MTMR4: variants seen among roughly 807,000 people sequenced by gnomAD.
MTMR4 encodes the protein phosphatidylinositol-3,5-bisphosphate 3-phosphatase MTMR4.
Under a neutral mutation model 125.5 loss-of-function variants are expected in MTMR4, and 30 were observed. The ratio of observed to expected loss-of-function variants is 0.24; its 90% CI spans 0.18 to 0.32. The LOEUF (loss-of-function observed/expected upper bound fraction) is 0.32. Ranked by LOEUF, MTMR4 falls within the 10% of genes least tolerant of loss-of-function variation. The pLI is 1.00. For missense variants in MTMR4, 1,039 were observed against 1,511.5 expected, an observed-to-expected ratio of 0.69 and a Z score of 5.18; for synonymous variants, 498 against 564.5, an observed-to-expected ratio of 0.88 and a Z score of 1.67.
chr17:58,492,932 A>G lies in MTMR4; in HGVS notation c.3273T>C (p.Asp1091=). The G allele has an allele frequency of 6.2e-7, 1 of 1,614,232 alleles. No homozygotes were observed. Among genetic ancestry groups the G allele is most frequent in the Non-Finnish European group, 8.5e-7 (1 of 1,180,028 alleles). Residue 1091 remains aspartate, a synonymous_variant, in exon 16 of 18, where the codon GAT becomes GAC. Coordinates refer to ENST00000682306, the MANE Select transcript of MTMR4 (RefSeq NM_001378067.1). ...EDDFTCLKES[D]GSDTEDFGSD... is the part of the protein sequence containing the mutation. ...AGCCAAAATCCTCAGTATCACTGCC[A>G]TCTGACTCCTTCAAACATGTCTGAT...
intron 1 of MTMR4, among the ~76,000 whole-genome samples, chr17:58,513,397 G>C (rs1309763664): frequency 6.6e-6 from 1 of 152,262 alleles, no homozygotes; most frequent in East Asian, 1.9e-4. Context: ...CTTCAATCTG[G>C]TGGGTGAAGG....
At chr17:58,510,604 C>G (rs1975900797) in intron 4 of MTMR4, 1 of 152,182 alleles carries the variant, frequency 6.6e-6, no homozygotes, top group African/African-American at 2.4e-5. Context: ...TCTTGAGTAG[C>G]TGGGACTACA....
intron 4 of MTMR4, 95 bp downstream of exon 4, chr17:58,511,334 G>A: frequency 8.9e-7 from 1 of 1,118,576 alleles, no homozygotes; most frequent in Non-Finnish European, 1.3e-6. Context: ...AAGTGAGGCA[G>A]GATCTTTCCT....
intron 14 of MTMR4, among the ~76,000 whole-genome samples, chr17:58,498,788 A>G (rs942392114): frequency 3.3e-5 from 5 of 152,140 alleles, no homozygotes; most frequent in African/African-American, 9.7e-5. Context: ...TTTCTCCCCA[A>G]ACTGGCTGGT....
rs957902017 is a variant in MTMR4 at position 58,491,941 on chromosome 17, C to G, written c.3453-101G>C. On this transcript the variant is annotated intron_variant, in intron 17 of 17. Transcript: ENST00000682306. ...ATCCCTGCACTTTGGTAGGCTGAGG[C>G]AGTAGAATCGCTTGAGGCCAGGAGT... is the stretch of plus-strand genomic sequence containing the variant. 1.3e-5 allele frequency: 15 copies of G among 1,114,158 alleles called. No homozygotes were observed. The African/African-American group carries it at 2.0e-4, about 15-fold the overall frequency. 69.0% of individuals were successfully genotyped at this position (1,114,158 alleles called of 1,614,324 possible).
chr17:58,500,157 C>T (rs991644683), intron 14 of MTMR4, among the ~76,000 whole-genome samples: 19 of 152,176 alleles, frequency 1.2e-4, no homozygotes, highest in Admixed American at 1.0e-3. Context: ...GACAAGGTCT[C>T]GCTGTGTCAC....
At chr17:58,516,645 G>A (rs1395178376), upstream of MTMR4, 4 of 1,601,668 alleles carry the variant, frequency 2.5e-6, no homozygotes, top group South Asian at 4.4e-5. Flanking sequence ...GAACATAAAA[G>A]TAAAGGACCC....
intron 3 of MTMR4, among the ~76,000 whole-genome samples, chr17:58,511,996 T>A (rs570844677): frequency 1.4e-4 from 21 of 152,066 alleles, no homozygotes; most frequent in African/African-American, 4.1e-4. Context: ...TTTTTTTTTT[T>A]ATTTTTTTGA....
At chr17:58,502,157 ATTTT>A (rs10706856) in intron 14 of MTMR4, among the ~76,000 whole-genome samples, 3 of 118,744 alleles carry the variant, frequency 2.5e-5, no homozygotes, top group Admixed American at 8.5e-5. Context: ...GTATTTTACA[ATTTT>A]TTTTTTTTTT....
rs965491392 is a variant in MTMR4, at chr17:58,495,633, G to T, written c.2551C>A (p.Pro851Thr). 6.8e-6 allele frequency: 11 copies of T among 1,614,060 alleles called. No individual in the cohort carries two copies. Among genetic ancestry groups the T allele is most frequent in the Non-Finnish European group, 9.3e-6 (11 of 1,180,042 alleles). ...GAGATACTTGCCACAGACCCTGAGG[G>T]ATCTTGGTTGAGGAAGTCAGTGCTT... ...DPSTDFLNQDPSGSVASISHQ... is the reference protein window; with the variant it reads ...DPSTDFLNQDTSGSVASISHQ... The change falls in exon 15 of 18, where the codon CCC becomes ACC. Residue 851 changes from proline to threonine, a missense_variant. Around this residue, in one of 6 missense-constraint regions of MTMR4, gnomAD observed 619 missense variants for 714.5 expected, o/e 0.87. Transcript: ENST00000682306.
In MTMR4 at chr17:58,508,020, T is replaced by G; in HGVS notation, c.707+141A>C. 8.2e-6 allele frequency: 5 copies of G among 608,210 alleles called. No individual in the cohort carries two copies. The highest frequency in any genetic ancestry group is 2.9e-5 in the East Asian group (1 of 34,626). The allele number at this position is 608,210 out of a possible 1,614,324, so 37.7% of individuals were successfully genotyped here. A position where few individuals can be genotyped will look rare whatever the true frequency, so the allele number is the denominator to read the frequency against. ...TTATTCTTAGGAGAAAAAACTAAGATAGTTTTTGTTTTAAAGTTATTTCAT... is the reference window on the plus strand; with the variant it reads ...TTATTCTTAGGAGAAAAAACTAAGAGAGTTTTTGTTTTAAAGTTATTTCAT... On this transcript the variant is annotated intron_variant, in intron 7 of 17. Coordinates refer to ENST00000682306, the MANE Select transcript of MTMR4 (RefSeq NM_001378067.1). The surrounding 1 kb of genome is among the most constrained non-coding windows in gnomAD (Gnocchi z 4.8).
At chr17:58,499,364 T>C (rs1487881764) in intron 14 of MTMR4, among the ~76,000 whole-genome samples, 1 of 151,830 alleles carries the variant, frequency 6.6e-6, no homozygotes, top group Non-Finnish European at 1.5e-5. Context: ...TTGGCCAACA[T>C]GGCGAAACCC....
In MTMR4 at chr17:58,504,617, T is replaced by A; in HGVS notation, c.1342-129A>T. 1 of 1,352,112 alleles carries A rather than the reference T, an allele frequency of 7.4e-7. No individual in the cohort carries two copies. Among genetic ancestry groups the A allele is most frequent in the Non-Finnish European group, 1.0e-6 (1 of 995,468 alleles). The allele number at this position is 1,352,112 out of a possible 1,614,324, so 83.8% of individuals were successfully genotyped here. A position where few individuals can be genotyped will look rare whatever the true frequency, so the allele number is the denominator to read the frequency against. On this transcript the variant is annotated intron_variant, in intron 11 of 17. Coordinates refer to ENST00000682306, the MANE Select transcript of MTMR4 (RefSeq NM_001378067.1). The surrounding 1 kb of genome is among the most constrained non-coding windows in gnomAD (Gnocchi z 7.1). ...AATAGGACTGGACCTAGAAGAGGAC[T>A]CAAAGCCACCAATTTTCCAAGCCTT...
chr17:58,498,384 T>A (rs1276509323), intron 14 of MTMR4, among the ~76,000 whole-genome samples: 1 of 151,510 alleles, frequency 6.6e-6, no homozygotes, highest in Non-Finnish European at 1.5e-5. Flanking sequence ...TACCTGAGTT[T>A]ACAACAAGGA....
chr17:58,493,052 T>C (rs1975356444), intron 15 of MTMR4, 100 bp from the exon 16 acceptor site: 1 of 830,722 alleles, frequency 1.2e-6, no homozygotes, highest in African/African-American at 1.7e-5. Context: ...ACACATGAAC[T>C]TATTTCTTAT....
At chr17:58,500,747 C>CAAAAAAAAAAAAAAAAAAAAAAAAAAAAA in intron 14 of MTMR4, among the ~76,000 whole-genome samples, 2 of 92,182 alleles carry the variant, frequency 2.2e-5, no homozygotes, top group Non-Finnish European at 4.2e-5. Flanking sequence ...GATTCTGTCT[C>CAAAAAAAAAAAAAAAAAAAAAAAAAAAAA]AAAAAAAAAA....
chr17:58,505,782 C>G (rs1975764936), intron 9 of MTMR4, among the ~76,000 whole-genome samples, 199 bp from the exon 10 acceptor site: 1 of 152,196 alleles, frequency 6.6e-6, no homozygotes, highest in African/African-American at 2.4e-5. Flanking sequence ...GTGGTAGGCA[C>G]TTGTAATCCC....
rs114964582 is a variant in MTMR4, at chr17:58,496,813, C to T, written c.1854-483G>A. Among the ~76,000 whole-genome samples the T allele has an allele frequency of 5.0e-3, 755 of 152,322 alleles. 6 individuals are homozygous for T. Among genetic ancestry groups the T allele is most frequent in the African/African-American group, 0.017 (713 of 41,572 alleles). On this transcript the variant is annotated intron_variant, in intron 14 of 17. Transcript: ENST00000682306. Reference sequence around the variant, plus strand: ...TGACTACAAATAAGTAAATTAACCTCTCAGATACTTGGTTTCTCCCTTTAT... The same window carrying T: ...TGACTACAAATAAGTAAATTAACCTTTCAGATACTTGGTTTCTCCCTTTAT...
chr17:58,512,550 AC>A lies in MTMR4; in HGVS notation c.136-45del, dbSNP rs1337098043. ...ACCTTCAGTCCAGAAGTGAGTGACC[AC>A]CTTATCCTCTTCTACAGCCCCTGAT... On this transcript the variant is annotated intron_variant, in intron 2 of 17. Coordinates refer to ENST00000682306, the MANE Select transcript of MTMR4 (RefSeq NM_001378067.1). This position sits in a 1 kb window ranked among gnomAD's most constrained non-coding sequence, Gnocchi z 4.1. 1.4e-6 allele frequency: 2 copies of A among 1,460,438 alleles called. No individual in the cohort carries two copies. The highest frequency in any genetic ancestry group is 1.9e-6 in the Non-Finnish European group (2 of 1,041,606). 90.5% of individuals were successfully genotyped at this position (1,460,438 alleles called of 1,614,324 possible). A position where few individuals can be genotyped will look rare whatever the true frequency, so the allele number is the denominator to read the frequency against.
Sources: gnomAD v4.1 joint callset for allele counts (sites outside exome capture counted in the v4.1 genomes callset) on GRCh38, gnomAD v4.1.1 for gene constraint, gnomAD v4.1.1 regional missense constraint, Gnocchi (gnomAD v3.1) non-coding constraint, MANE v1.5 for transcripts, NCBI Gene and HGNC (gene_info 2026-07-23, HGNC 2026-07-21) for gene names.